LTBP2: variants seen among roughly 807,000 people sequenced by gnomAD.
LTBP2 encodes latent transforming growth factor beta binding protein 2.
In LTBP2, 103 loss-of-function variants were observed where a neutral mutation model predicts 210.6. The ratio of observed to expected loss-of-function variants is 0.49; its 90% confidence interval spans 0.42 to 0.58. The LOEUF is 0.58. LTBP2 is among the 20% of genes least tolerant of loss of function. The pLI is 0.00. For synonymous variants in LTBP2, 1,007 were observed against 1,015.0 expected, an observed-to-expected ratio of 0.99 and a Z score of 0.15; for missense variants, 2,313 against 2,494.5, an observed-to-expected ratio of 0.93 and a Z score of 1.55.
intron 13 of LTBP2, 74 bp downstream of exon 13, chr14:74,527,273 C>CT: frequency 6.4e-7 from 1 of 1,554,092 alleles, no homozygotes; most frequent in Non-Finnish European, 8.8e-7. Context: ...AGACACTGCC[C>CT]TGGGGCCTGA....
intron 8 of LTBP2, among the ~76,000 whole-genome samples, chr14:74,540,204 G>A (rs1297280273): frequency 6.6e-6 from 1 of 152,190 alleles, no homozygotes; most frequent in Non-Finnish European, 1.5e-5. Context: ...CGGGCATGGT[G>A]GCTCATGCCT....
At chr14:74,573,611 G>A (rs540421076) in intron 3 of LTBP2, among the ~76,000 whole-genome samples, 14 of 152,286 alleles carry the variant, frequency 9.2e-5, no homozygotes, top group African/African-American at 3.4e-4. Context: ...CTGGTCCCTT[G>A]CCCCTTTAGA....
At chr14:74,501,135 TAA>T (rs2086905434) in intron 35 of LTBP2, 106 bp from the exon 36 acceptor site, 2 of 1,363,292 alleles carry the variant, frequency 1.5e-6, no homozygotes, top group East Asian at 4.9e-5. Context: ...AGTGAAACCC[TAA>T]GTGTGACAGC....
intron 3 of LTBP2, among the ~76,000 whole-genome samples, chr14:74,579,237 G>A (rs3784023): frequency 3.3e-5 from 5 of 152,276 alleles, no homozygotes; most frequent in East Asian, 3.9e-4. Context: ...TGCCTTCCCC[G>A]CACCTTTGCC....
At chr14:74,533,588 C>CA (rs1320760585) in intron 9 of LTBP2, among the ~76,000 whole-genome samples, 2 of 152,158 alleles carry the variant, frequency 1.3e-5, no homozygotes, top group Non-Finnish European at 2.9e-5. Flanking sequence ...AAGGGGACAG[C>CA]AGGGGTCACA....
At chr14:74,508,336 G>A (rs747825776) in intron 24 of LTBP2, among the ~76,000 whole-genome samples, 42 of 152,126 alleles carry the variant, frequency 2.8e-4, no homozygotes, top group Non-Finnish European at 5.1e-4. Context: ...GGAGTTTGGA[G>A]TGGGTGCATG....
chr14:74,549,808 G>C, intron 8 of LTBP2, 55 bp downstream of exon 8: 1 of 1,436,592 alleles, frequency 7.0e-7, no homozygotes, highest in Non-Finnish European at 9.8e-7. Flanking sequence ...GCAGGAGAGG[G>C]CAGGCCCAGG....
intron 1 of LTBP2, among the ~76,000 whole-genome samples, chr14:74,608,583 G>A (rs1424656848): frequency 2.0e-5 from 3 of 151,840 alleles, no homozygotes; most frequent in Admixed American, 6.5e-5. Context: ...GGTGACGTGC[G>A]CCCATAATCC....
intron 2 of LTBP2, among the ~76,000 whole-genome samples, chr14:74,598,381 CT>C (rs992174706): frequency 7.2e-5 from 11 of 152,228 alleles, no homozygotes; most frequent in African/African-American, 2.7e-4. Context: ...CCAGGATCCC[CT>C]GAACACCGTG....
At chr14:74,509,683 G>GT in intron 21 of LTBP2, 51 bp downstream of exon 21, 1 of 1,612,808 alleles carries the variant, frequency 6.2e-7, no homozygotes, top group Non-Finnish European at 8.5e-7. Context: ...TCTTTGGGAG[G>GT]TAAGACAGCC....
chr14:74,551,463 C>T (rs975619400), intron 6 of LTBP2, 113 bp from the exon 7 acceptor site: 2 of 1,013,960 alleles, frequency 2.0e-6, no homozygotes, highest in Non-Finnish European at 2.8e-6. Context: ...CTATGTGTCA[C>T]CCCAAAACTC....
At chr14:74,530,896 T>G (rs6574183) in intron 10 of LTBP2, among the ~76,000 whole-genome samples, 46,372 of 151,928 alleles carry the variant, frequency 0.31, 7,523 homozygotes, top group African/African-American at 0.42. Flanking sequence ...TAATAAACTT[T>G]CTTCGTGGTA....
rs754527825 is a variant in LTBP2, at chr14:74,611,444, T to C, written c.494+7A>G. ...GTACCCTCCAAACTTCCCTCTCCCA[T>C]GCTCACCCCGTGAGCCGCCCTCGCG... is the stretch of plus-strand genomic sequence containing the variant. On this transcript the variant is annotated splice_region_variant and intron_variant, in intron 1 of 35. Coordinates refer to ENST00000261978, the MANE Select transcript of LTBP2 (RefSeq NM_000428.3). The C allele has an allele frequency of 3.4e-6, 5 of 1,484,398 alleles. No homozygotes were observed. Among genetic ancestry groups the C allele is most frequent in the Non-Finnish European group, 4.4e-6 (5 of 1,129,362 alleles). 92.0% of individuals were successfully genotyped at this position (1,484,398 alleles called of 1,614,324 possible). A position where few individuals can be genotyped will look rare whatever the true frequency, so the allele number is the denominator to read the frequency against.
intron 26 of LTBP2, 49 bp from the exon 27 acceptor site, chr14:74,506,872 TGTGTGTGC>T (rs763267048): frequency 4.7e-5 from 71 of 1,500,794 alleles, no homozygotes; most frequent in South Asian, 1.7e-4. Flanking sequence ...TGTGTGTGTG[TGTGTGTGC>T]GCGCGCGCGT....
chr14:74,565,006 G>T (rs1308009547), intron 3 of LTBP2, among the ~76,000 whole-genome samples: 1 of 152,196 alleles, frequency 6.6e-6, no homozygotes, highest in Non-Finnish European at 1.5e-5. Context: ...TATGGTGAAG[G>T]TCTTGAAATA....
chr14:74,605,998 T>C (rs2088520753), intron 1 of LTBP2, among the ~76,000 whole-genome samples: 1 of 144,186 alleles, frequency 6.9e-6, no homozygotes, highest in Non-Finnish European at 1.5e-5. Flanking sequence ...CAGCTGGGAA[T>C]TCTGGGAATT....
rs2087671421 is a variant in LTBP2 at position 74,552,327 on chromosome 14, G to C, written c.1259C>G (p.Ala420Gly). 1 of 1,612,538 alleles carries C rather than the reference G, an allele frequency of 6.2e-7. No homozygotes were observed. The highest frequency in any genetic ancestry group is 1.1e-5 in the South Asian group (1 of 91,090). ...CIGRDECWCP[A>G]NSTGKFCHLP... Reference sequence around the variant, plus strand: ...GTGGCAGAACTTCCCGGTGGAGTTGGCGGGGCACCAGCATTCGTCCCTGCC... The same window carrying C: ...GTGGCAGAACTTCCCGGTGGAGTTGCCGGGGCACCAGCATTCGTCCCTGCC... Residue 420 changes from alanine (A) to glycine (G), a missense_variant, in exon 6 of 36, where the codon GCC becomes GGC. This residue lies in a region of LTBP2 where 1,867 missense variants were observed against 1,976.9 expected (regional missense o/e 0.94). Coordinates refer to ENST00000261978, the MANE Select transcript of LTBP2 (RefSeq NM_000428.3).
At chr14:74,579,835 C>G (rs2088113354) in intron 3 of LTBP2, among the ~76,000 whole-genome samples, 1 of 152,216 alleles carries the variant, frequency 6.6e-6, no homozygotes. Context: ...CAACCCTGGC[C>G]ACCTGTTGTA....
Position 74,507,190 on chromosome 14 carries a change from C to G in LTBP2, c.3896G>C (p.Gly1299Ala). Residue 1299 changes from glycine (G) to alanine (A), a missense_variant, in exon 26 of 36, where the codon GGA (glycine) becomes GCA (alanine). By Grantham distance (60) the Gly-to-Ala change is moderately conservative (BLOSUM62 0). Transcript: ENST00000261978. ...CCCTCCCTACTCACCAATGCAGTCT[C>G]CGTTCGGGGCCATGTGGAAGCCAGG... ...CQPGFHMAPN[G>A]DCIDIDECAN... 6.2e-7 allele frequency: 1 copy of G among 1,614,212 alleles called. No individual in the cohort carries two copies. Among genetic ancestry groups the G allele is most frequent in the Non-Finnish European group, 8.5e-7 (1 of 1,180,034 alleles).
Sources: allele counts gnomAD v4.1 joint callset (sites outside exome capture counted in the v4.1 genomes callset), GRCh38; gene constraint gnomAD v4.1.1; regional missense constraint gnomAD v4.1.1; transcripts MANE v1.5; gene names NCBI Gene and HGNC (gene_info 2026-07-23, HGNC 2026-07-21).